Variants in GFRA1 observed in about 807,000 individuals in gnomAD.
GFRA1 encodes the protein GDNF family receptor alpha 1, also known as GDNF family receptor alpha-1.
A neutral mutation model predicts 51.6 loss-of-function variants in GFRA1; 16 were observed. The ratio of observed to expected loss-of-function variants is 0.31; its 90% CI spans 0.21 to 0.47. GFRA1 has a LOEUF of 0.47. Among genes scored for constraint, GFRA1 ranks in the 20% least tolerant of loss-of-function variants. The pLI is 1.00. For missense variants in GFRA1, 530 were observed against 594.3 expected, an observed-to-expected ratio of 0.89 and a Z score of 1.13; for synonymous variants, 270 against 241.3, an observed-to-expected ratio of 1.12 and a Z score of -1.10.
chr10:116,167,456 G>A (rs1275744936), intron 5 of GFRA1, among the ~76,000 whole-genome samples: 9 of 152,130 alleles, frequency 5.9e-5, no homozygotes, highest in Non-Finnish European at 8.8e-5. Flanking sequence ...CTAAGCTTAC[G>A]GAGGGTGAAG....
chr10:116,190,573 T>C (rs553837161), intron 5 of GFRA1, among the ~76,000 whole-genome samples: 5 of 152,268 alleles, frequency 3.3e-5, no homozygotes, highest in Admixed American at 1.3e-4. Flanking sequence ...CATCTCCTCT[T>C]TGGGACAACC....
chr10:116,236,222 T>C (rs1309037714), intron 4 of GFRA1, among the ~76,000 whole-genome samples: 1 of 152,134 alleles, frequency 6.6e-6, no homozygotes, highest in African/African-American at 2.4e-5. Flanking sequence ...AAGGGGGACC[T>C]GCACTCCCTT....
At chr10:116,157,866 C>T (rs1213600790) in intron 5 of GFRA1, among the ~76,000 whole-genome samples, 1 of 152,190 alleles carries the variant, frequency 6.6e-6, no homozygotes, top group Non-Finnish European at 1.5e-5. Flanking sequence ...AATTTTTTGT[C>T]CTGAACCTCA....
chr10:116,152,969 A>G (rs1009222478), intron 5 of GFRA1, among the ~76,000 whole-genome samples: 1 of 152,218 alleles, frequency 6.6e-6, no homozygotes, highest in Non-Finnish European at 1.5e-5. Context: ...GAGCTGGACT[A>G]AGTGTGTTAT....
At chr10:116,263,554 G>A (rs1589922656) in intron 4 of GFRA1, among the ~76,000 whole-genome samples, 3 of 152,298 alleles carry the variant, frequency 2.0e-5, no homozygotes, top group Admixed American at 1.3e-4. Context: ...AAGGTACGGA[G>A]GGATGAAGCT....
chr10:116,063,061 CA>C lies in GFRA1; in HGVS notation c.*1336del, dbSNP rs761644659. 2.6e-5 allele frequency: 4 copies of C among 152,216 alleles called. No homozygotes were observed. The highest frequency in any genetic ancestry group is 5.9e-5 in the Non-Finnish European group (4 of 68,052). The allele number at this position is 152,216 out of a possible 1,614,324, so 9.4% of individuals were successfully genotyped here. On this transcript the variant is annotated 3_prime_UTR_variant, in exon 11 of 11. Coordinates refer to ENST00000355422, the MANE Select transcript of GFRA1 (RefSeq NM_005264.8). Reference sequence around the variant, plus strand: ...CAAACAGTGGCCAAGACGTTGCAGTCAGGAGTAAACACAATCCTTAGGAAAA... The same window carrying C: ...CAAACAGTGGCCAAGACGTTGCAGTCGGAGTAAACACAATCCTTAGGAAAA...
At chr10:116,192,949 A>G (rs1963402989) in intron 5 of GFRA1, among the ~76,000 whole-genome samples, 1 of 152,162 alleles carries the variant, frequency 6.6e-6, no homozygotes. Context: ...AACAGCTGCC[A>G]TCTAAGAATC....
At chr10:116,131,465 C>A (rs1958099218) in intron 5 of GFRA1, among the ~76,000 whole-genome samples, 2 of 152,128 alleles carry the variant, frequency 1.3e-5, no homozygotes. Flanking sequence ...GAATATTATA[C>A]CAGCATATTG....
chr10:116,225,612 C>T (rs976100645), intron 4 of GFRA1, among the ~76,000 whole-genome samples: 13 of 141,986 alleles, frequency 9.2e-5, no homozygotes, highest in East Asian at 2.2e-4. Context: ...TTTTTTGAGA[C>T]GGAGTCTTGC....
rs574002282 is a variant in GFRA1, at chr10:116,077,614, C to T, written c.1198-11988G>A. On this transcript the variant is annotated intron_variant, in intron 9 of 10. Coordinates refer to ENST00000355422, the MANE Select transcript of GFRA1 (RefSeq NM_005264.8). Reference sequence around the variant, plus strand: ...CAACTTTTAAAATGAATTATAAAACCCTTTACTGCTGATAAAATAATCTTA... The same window carrying T: ...CAACTTTTAAAATGAATTATAAAACTCTTTACTGCTGATAAAATAATCTTA... Among the ~76,000 whole-genome samples, 3 of 152,218 alleles carry T rather than the reference C, an allele frequency of 2.0e-5. No homozygotes were observed. In the East Asian group the frequency reaches 5.8e-4, roughly 29 times the overall value.
rs938225046 is a variant in GFRA1 at position 116,254,163 on chromosome 10, A to G, written c.418+15340T>C. ...TGGTGAAACCCCGTCTCTACTAAAAATAAAAAAAATTAGCTAGGTGTGGTG... is the reference window on the plus strand; with the variant it reads ...TGGTGAAACCCCGTCTCTACTAAAAGTAAAAAAAATTAGCTAGGTGTGGTG... On this transcript the variant is annotated intron_variant, in intron 4 of 10. Coordinates refer to ENST00000355422, the MANE Select transcript of GFRA1 (RefSeq NM_005264.8). 3.9e-5 allele frequency among the ~76,000 whole-genome samples: 6 copies of G among 151,948 alleles called. 1 individual carries two copies. In the South Asian group the frequency reaches 1.0e-3, roughly 26 times the overall value.
At chr10:116,255,720 T>C in intron 4 of GFRA1, 6 of 1,289,108 alleles carry the variant, frequency 4.7e-6, no homozygotes, top group Non-Finnish European at 6.1e-6. Flanking sequence ...TCTCTTCCTC[T>C]CTCCTTCTCC....
chr10:116,270,454 C>G (rs1843810862), intron 3 of GFRA1, among the ~76,000 whole-genome samples: 1 of 152,180 alleles, frequency 6.6e-6, no homozygotes, highest in African/African-American at 2.4e-5. Flanking sequence ...GCAAGCCTTC[C>G]TATTATTATT....
At chr10:116,152,383 A>G (rs1367791433) in intron 5 of GFRA1, among the ~76,000 whole-genome samples, 1 of 152,174 alleles carries the variant, frequency 6.6e-6, no homozygotes, top group Non-Finnish European at 1.5e-5. Context: ...TTGTGTTGCT[A>G]TAAAGAAGTA....
intron 5 of GFRA1, among the ~76,000 whole-genome samples, chr10:116,204,789 G>A (rs1964602418): frequency 1.3e-5 from 2 of 152,102 alleles, no homozygotes; most frequent in African/African-American, 4.8e-5. Flanking sequence ...CATACATGAG[G>A]GATAAGTGGC....
chr10:116,134,845 T>C (rs1283236706), intron 5 of GFRA1, among the ~76,000 whole-genome samples: 1 of 152,186 alleles, frequency 6.6e-6, no homozygotes, highest in East Asian at 1.9e-4. Context: ...ATTCTGTCGC[T>C]TGCCTGCACC....
intron 6 of GFRA1, among the ~76,000 whole-genome samples, chr10:116,098,180 A>G (rs1423388454): frequency 6.6e-6 from 1 of 152,178 alleles, no homozygotes; most frequent in Admixed American, 6.5e-5. Flanking sequence ...TCCTTTGCAC[A>G]GCACCTGACA....
chr10:116,084,806 A>G (rs1956020197), intron 9 of GFRA1, among the ~76,000 whole-genome samples: 1 of 131,428 alleles, frequency 7.6e-6, no homozygotes, highest in Admixed American at 7.6e-5. Flanking sequence ...ACACACACAC[A>G]CACACAGTCC....
At chr10:116,223,716 A>G (rs943185618) in intron 4 of GFRA1, among the ~76,000 whole-genome samples, 4 of 152,254 alleles carry the variant, frequency 2.6e-5, no homozygotes, top group Admixed American at 6.5e-5. Flanking sequence ...TGATTACCAC[A>G]GTTCATACCC....
Sources: allele counts gnomAD v4.1 joint callset (sites outside exome capture counted in the v4.1 genomes callset), GRCh38; gene constraint gnomAD v4.1.1; transcripts MANE v1.5; gene names NCBI Gene and HGNC (gene_info 2026-07-23, HGNC 2026-07-21).